The following KLHL8 variants were observed in gnomAD, a reference collection of about 807,000 sequenced individuals.
KLHL8 encodes kelch-like protein 8.
KLHL8 carries 38 observed loss-of-function variants against 63.5 expected under a neutral mutation model. The observed-to-expected ratio is 0.60, with a 90% CI of 0.46 to 0.78. The LOEUF (loss-of-function observed/expected upper bound fraction) is 0.78. Among genes scored for constraint, KLHL8 ranks in the 30% least tolerant of loss-of-function variants. The probability of loss-of-function intolerance (pLI) is 0.00; values close to 1 mark genes in which losing one functional copy is unlikely to be tolerated. For synonymous variants in KLHL8, 224 were observed against 254.3 expected (o/e 0.88, Z 1.13); for missense variants, 566 against 752.4 (o/e 0.75, Z 2.90).
chr4:87,200,193 A>G (rs567848431), intron 1 of KLHL8, among the ~76,000 whole-genome samples: 164 of 151,280 alleles, frequency 1.1e-3, no homozygotes, highest in African/African-American at 3.7e-3. Flanking sequence ...TTGAATAGAC[A>G]TTTCTCCAAA....
chr4:87,164,123 A>C (rs1239024613), intron 8 of KLHL8, 44 bp from the exon 9 acceptor site: 4 of 1,468,956 alleles, frequency 2.7e-6, no homozygotes, highest in Non-Finnish European at 3.8e-6. Flanking sequence ...ATTCCTTAGA[A>C]ATTAACTACT....
chr4:87,164,188 G>C, intron 8 of KLHL8, 109 bp from the exon 9 acceptor site: 2 of 1,032,474 alleles, frequency 1.9e-6, no homozygotes, highest in Non-Finnish European at 2.8e-6. Context: ...TTTTAGAATG[G>C]TTTAGAGAAA....
Position 87,164,084 on chromosome 4 carries a change from G to A in KLHL8, c.1538-5C>T. ...GAGAATTATCATCAAAACCACCTAT[G>A]TAAAGAAATATTTTAAAAACAGCAT... On this transcript the variant is annotated splice_polypyrimidine_tract_variant and splice_region_variant and intron_variant, in intron 8 of 9. Coordinates refer to ENST00000273963, the MANE Select transcript of KLHL8 (RefSeq NM_020803.5). 2 of 1,610,376 alleles carry A rather than the reference G, an allele frequency of 1.2e-6. No individual in the cohort carries two copies. The highest frequency in any genetic ancestry group is 1.3e-5 in the African/African-American group (1 of 74,944).
At chr4:87,208,947 A>C (rs971251862) in intron 1 of KLHL8, among the ~76,000 whole-genome samples, 4 of 152,172 alleles carry the variant, frequency 2.6e-5, no homozygotes, top group Non-Finnish European at 5.9e-5. Context: ...ACAGCTCAAA[A>C]GCTGTCTATA....
chr4:87,178,821 A>G, intron 4 of KLHL8, among the ~76,000 whole-genome samples: 1 of 152,174 alleles, frequency 6.6e-6, no homozygotes, highest in East Asian at 1.9e-4. Flanking sequence ...TCTGCTTGCT[A>G]ATGTCCCACT....
At chr4:87,190,567 C>G (rs915564955) in intron 2 of KLHL8, among the ~76,000 whole-genome samples, 8 of 151,800 alleles carry the variant, frequency 5.3e-5, no homozygotes, top group Non-Finnish European at 8.8e-5. Flanking sequence ...TCGCTTGAAC[C>G]CGGGAGGCAG....
At chr4:87,206,572 GC>G (rs1732139814) in intron 1 of KLHL8, among the ~76,000 whole-genome samples, 1 of 152,142 alleles carries the variant, frequency 6.6e-6, no homozygotes, top group Admixed American at 6.5e-5. Flanking sequence ...TCCCTGACTT[GC>G]CCAAGGCCAC....
upstream of KLHL8, among the ~76,000 whole-genome samples, chr4:87,224,676 T>C (rs1048783435): frequency 6.6e-6 from 1 of 152,136 alleles, no homozygotes; most frequent in African/African-American, 2.4e-5. Flanking sequence ...AACCAGCCTT[T>C]ACTGTGGCAC....
upstream of KLHL8, among the ~76,000 whole-genome samples, chr4:87,224,392 G>A (rs553951000): frequency 5.9e-5 from 9 of 152,286 alleles, no homozygotes; most frequent in Admixed American, 1.3e-4. Flanking sequence ...TAAAGGAGTC[G>A]GGGAGCAGGG....
intron 1 of KLHL8, among the ~76,000 whole-genome samples, chr4:87,209,756 A>G (rs1305200397): frequency 6.6e-6 from 1 of 152,094 alleles, no homozygotes; most frequent in African/African-American, 2.4e-5. Flanking sequence ...AACTCTTTGC[A>G]GCACAGTGAC....
At chr4:87,204,807 G>C (rs1168892034) in intron 1 of KLHL8, among the ~76,000 whole-genome samples, 1 of 152,144 alleles carries the variant, frequency 6.6e-6, no homozygotes, top group Non-Finnish European at 1.5e-5. Context: ...AGGGATGAGG[G>C]GCAGGGAAAG....
chr4:87,206,542 C>T (rs1036678459), intron 1 of KLHL8, among the ~76,000 whole-genome samples: 2 of 152,178 alleles, frequency 1.3e-5, no homozygotes, highest in Non-Finnish European at 2.9e-5. Flanking sequence ...TTAAGCATCA[C>T]CTTATGGATG....
intron 8 of KLHL8, among the ~76,000 whole-genome samples, chr4:87,168,200 G>A (rs1403508089): frequency 6.6e-6 from 1 of 152,122 alleles, no homozygotes; most frequent in Non-Finnish European, 1.5e-5. Context: ...CCTTTTCCCA[G>A]CCTGGCAGGC....
At chr4:87,226,906 A>ATATT (rs1214704425) in intron 1 of KLHL8, among the ~76,000 whole-genome samples, 3 of 18,202 alleles carry the variant, frequency 1.6e-4, no homozygotes, top group Non-Finnish European at 2.5e-4. Flanking sequence ...AATAATATAT[A>ATATT]ATATATAAAT....
chr4:87,174,709 T>G (rs967032423), intron 6 of KLHL8, among the ~76,000 whole-genome samples: 1 of 152,224 alleles, frequency 6.6e-6, no homozygotes, highest in Non-Finnish European at 1.5e-5. Flanking sequence ...TCTAGTTTTA[T>G]ACAAATTATT....
chr4:87,181,844 ATGTT>A (rs1731064580), intron 4 of KLHL8, among the ~76,000 whole-genome samples: 1 of 152,196 alleles, frequency 6.6e-6, no homozygotes, highest in Admixed American at 6.5e-5. Context: ...GGCTGCTAAG[ATGTT>A]ATTTGAATTC....
chr4:87,203,534 A>AG (rs959901599), intron 1 of KLHL8, among the ~76,000 whole-genome samples: 2 of 148,812 alleles, frequency 1.3e-5, no homozygotes, highest in African/African-American at 4.9e-5. Context: ...GTCTCACAAA[A>AG]GAAAAAAAAA....
chr4:87,184,047 T>A (rs1489180696), intron 3 of KLHL8, among the ~76,000 whole-genome samples: 1 of 152,150 alleles, frequency 6.6e-6, no homozygotes, highest in Non-Finnish European at 1.5e-5. Context: ...CACACACACG[T>A]AAGGGGTTGA....
chr4:87,178,541 G>C lies in KLHL8; in HGVS notation c.1032C>G (p.Asn344Lys), dbSNP rs1730920488. 1.2e-6 allele frequency: 2 copies of C among 1,612,132 alleles called. No individual in the cohort carries two copies. The highest frequency in any genetic ancestry group is 1.7e-6 in the Non-Finnish European group (2 of 1,179,648). ...TCATTTCTGGTCCAAAGAACCAACT[G>C]TTTTTGTTGATAGAATAGCATTCAA... ...RSIECYSINKNSWFFGPEMNS... is the reference protein window; with the variant it reads ...RSIECYSINKKSWFFGPEMNS... Residue 344 changes from asparagine to lysine, a missense_variant, in exon 5 of 10, where the codon AAC becomes AAG. Coordinates refer to ENST00000273963, the MANE Select transcript of KLHL8 (RefSeq NM_020803.5).
Sources: gnomAD v4.1 joint callset for allele counts (sites outside exome capture counted in the v4.1 genomes callset) on GRCh38, gnomAD v4.1.1 for gene constraint, MANE v1.5 for transcripts, NCBI Gene and HGNC (gene_info 2026-07-23, HGNC 2026-07-21) for gene names.